The following PSMB7 variants were observed in gnomAD, a reference collection of about 807,000 sequenced individuals.
PSMB7 encodes the protein proteasome subunit beta type-7.
A neutral mutation model predicts 28.1 loss-of-function variants in PSMB7; 5 were observed. That is an observed-to-expected ratio of 0.18 (90% CI 0.09 to 0.37). PSMB7 has a LOEUF of 0.37. PSMB7 is among the 10% of genes least tolerant of loss of function. The pLI is 1.00. For missense variants in PSMB7, 275 were observed against 346.2 expected (o/e 0.79, Z 1.63); for synonymous variants, 122 against 123.7 (o/e 0.99, Z 0.09).
chr9:124,380,938 T>C (rs1026306461), intron 6 of PSMB7, among the ~76,000 whole-genome samples: 28 of 152,344 alleles, frequency 1.8e-4, no homozygotes, highest in Middle Eastern at 3.4e-3. Context: ...GTAGTTATGG[T>C]TTAAAAAATA....
chr9:124,415,411 C>T lies in PSMB7; in HGVS notation c.15G>A (p.Ser5=), dbSNP rs1270807134. The change falls in exon 1 of 8, where the codon TCG becomes TCA. Residue 5 remains serine, a synonymous_variant. Coordinates refer to ENST00000259457, the MANE Select transcript of PSMB7 (RefSeq NM_002799.4). MAAV[S]VYAPPVGGFS... is the part of the protein sequence containing the mutation. Reference sequence around the variant, plus strand: ...AGCCTCCAACTGGTGGAGCATACACCGACACAGCCGCCATCTTCCCAAGAA... The same window carrying T: ...AGCCTCCAACTGGTGGAGCATACACTGACACAGCCGCCATCTTCCCAAGAA... 3.7e-6 allele frequency: 6 copies of T among 1,614,090 alleles called. No homozygotes were observed. The Admixed American group carries it at 8.3e-5, about 22-fold the overall frequency.
intron 6 of PSMB7, among the ~76,000 whole-genome samples, chr9:124,366,419 G>A (rs1201693586): frequency 1.3e-5 from 2 of 152,200 alleles, no homozygotes; most frequent in Non-Finnish European, 2.9e-5. Flanking sequence ...TAACAAAAGA[G>A]CTTATAGACT....
At chr9:124,372,247 T>C (rs1477059182) in intron 6 of PSMB7, among the ~76,000 whole-genome samples, 7 of 152,336 alleles carry the variant, frequency 4.6e-5, no homozygotes, top group Non-Finnish European at 4.4e-5. Context: ...CAGCTGGTAA[T>C]CACTTGGAAC....
chr9:124,404,724 G>A (rs1239755765), intron 5 of PSMB7, among the ~76,000 whole-genome samples: 1 of 152,128 alleles, frequency 6.6e-6, no homozygotes. Flanking sequence ...ATGGTGGCGT[G>A]TGCCTATCAC....
chr9:124,412,191 C>T (rs1377349256), intron 4 of PSMB7, among the ~76,000 whole-genome samples, 161 bp downstream of exon 4: 1 of 152,210 alleles, frequency 6.6e-6, no homozygotes, highest in African/African-American at 2.4e-5. Flanking sequence ...AATGCACCAT[C>T]AAAAACCATT....
At chr9:124,414,157 C>G (rs1446981073) in intron 2 of PSMB7, 152 bp from the exon 3 acceptor site, 6 of 563,308 alleles carry the variant, frequency 1.1e-5, no homozygotes, top group Non-Finnish European at 3.1e-6. Context: ...TTGTGCTACA[C>G]TTTCAGGATT....
At chr9:124,363,093 TTGGCA>T in intron 6 of PSMB7, among the ~76,000 whole-genome samples, 1 of 152,382 alleles carries the variant, frequency 6.6e-6, no homozygotes, top group Non-Finnish European at 1.5e-5. Context: ...AGCCTGGTGC[TTGGCA>T]TGTAGGTCAA....
At position 124,377,712 on chromosome 9, in the gene PSMB7, A is replaced by G. The variant is rs139106462; in HGVS notation, c.570+6886T>C. On this transcript the variant is annotated intron_variant, in intron 6 of 7. Transcript: ENST00000259457. The stretch of plus-strand genomic sequence containing the variant: ...ATCTATAAGGGCTTCTCTAGAGGCC[A>G]ACACTTGCCGAGTGATGAGATATGA... 3.6e-3 allele frequency among the ~76,000 whole-genome samples: 544 copies of G among 152,356 alleles called. 3 individuals are homozygous for G. The highest frequency in any genetic ancestry group is 0.012 in the African/African-American group (490 of 41,586).
At chr9:124,379,072 T>C (rs1334327600) in intron 6 of PSMB7, among the ~76,000 whole-genome samples, 2 of 152,230 alleles carry the variant, frequency 1.3e-5, no homozygotes, top group Non-Finnish European at 2.9e-5. Flanking sequence ...CCCCTTGTCA[T>C]CAGGTCAACT....
At chr9:124,410,167 T>G (rs1386755381) in intron 4 of PSMB7, among the ~76,000 whole-genome samples, 1 of 152,098 alleles carries the variant, frequency 6.6e-6, no homozygotes, top group African/African-American at 2.4e-5. Flanking sequence ...GCTAATTTTT[T>G]GTAATTTTAG....
intron 6 of PSMB7, among the ~76,000 whole-genome samples, chr9:124,371,931 G>A (rs1830567319): frequency 6.6e-6 from 1 of 152,156 alleles, no homozygotes; most frequent in South Asian, 2.1e-4. Flanking sequence ...CATACTTCGT[G>A]AAATATTTCT....
intron 5 of PSMB7, among the ~76,000 whole-genome samples, chr9:124,395,524 T>C (rs1830831569): frequency 6.6e-6 from 1 of 152,074 alleles, no homozygotes; most frequent in Non-Finnish European, 1.5e-5. Context: ...TAATTATTAT[T>C]TTTTAAAAAG....
intron 5 of PSMB7, among the ~76,000 whole-genome samples, chr9:124,393,352 ATTTGTCC>A (rs1830809489): frequency 1.3e-5 from 2 of 152,192 alleles, no homozygotes; most frequent in South Asian, 4.1e-4. Context: ...TGAAATCCAG[ATTTGTCC>A]TTTGTCAGCA....
At chr9:124,384,574 A>AT in intron 6 of PSMB7, 24 bp downstream of exon 6, 9 of 1,586,506 alleles carry the variant, frequency 5.7e-6, no homozygotes, top group Non-Finnish European at 6.8e-6. Context: ...TTGAAAAAGA[A>AT]TAAAACTGCA....
intron 4 of PSMB7, 37 bp downstream of exon 4, chr9:124,412,315 G>C: frequency 6.3e-7 from 1 of 1,594,516 alleles, no homozygotes; most frequent in Non-Finnish European, 8.6e-7. Flanking sequence ...GATATGAGAA[G>C]AAGATACTAG....
At chr9:124,372,978 A>G (rs1244162711) in intron 6 of PSMB7, among the ~76,000 whole-genome samples, 1 of 152,246 alleles carries the variant, frequency 6.6e-6, no homozygotes, top group African/African-American at 2.4e-5. Context: ...AAAATTCAAA[A>G]AGCAAGAAGA....
chr9:124,406,255 C>T (rs1360442271), intron 4 of PSMB7, among the ~76,000 whole-genome samples: 1 of 151,992 alleles, frequency 6.6e-6, no homozygotes, highest in East Asian at 1.9e-4. Flanking sequence ...ATAATCCCAG[C>T]ACTTTAGGAG....
intron 5 of PSMB7, among the ~76,000 whole-genome samples, chr9:124,391,155 TCA>T (rs1491527545): frequency 6.6e-6 from 1 of 152,214 alleles, no homozygotes; most frequent in African/African-American, 2.4e-5. Context: ...CACAGCACAG[TCA>T]CATCAGTTTT....
chr9:124,357,820 A>C (rs999349265), intron 6 of PSMB7, among the ~76,000 whole-genome samples: 4 of 152,220 alleles, frequency 2.6e-5, no homozygotes, highest in Non-Finnish European at 5.9e-5. Context: ...AGTAAGTACA[A>C]TGCAGGGTAA....
Sources: allele counts gnomAD v4.1 joint callset (sites outside exome capture counted in the v4.1 genomes callset), GRCh38; gene constraint gnomAD v4.1.1; transcripts MANE v1.5; gene names NCBI Gene and HGNC (gene_info 2026-07-23, HGNC 2026-07-21).